BACE1: variants seen among roughly 807,000 people sequenced by gnomAD.
The protein encoded by BACE1 is beta-secretase 1, also known as APP beta-secretase.
In BACE1, 21 loss-of-function variants were observed where a neutral mutation model predicts 54.0. The ratio of observed to expected loss-of-function variants is 0.39; its 90% CI spans 0.28 to 0.56. The LOEUF is 0.56. BACE1 is among the 20% of genes least tolerant of loss of function. The pLI is 0.63. For missense variants in BACE1, 511 were observed against 661.2 expected, an observed-to-expected ratio of 0.77 and a Z score of 2.49; for synonymous variants, 232 against 260.9, an observed-to-expected ratio of 0.89 and a Z score of 1.07.
chr11:117,312,494 G>A (rs868260776), intron 1 of BACE1, among the ~76,000 whole-genome samples: 3 of 151,416 alleles, frequency 2.0e-5, no homozygotes, highest in Non-Finnish European at 4.4e-5. Context: ...ACGGAGTCTC[G>A]CTCTGTCACC....
intron 1 of BACE1, among the ~76,000 whole-genome samples, chr11:117,302,872 G>T (rs2034755112): frequency 6.6e-6 from 1 of 152,184 alleles, no homozygotes; most frequent in African/African-American, 2.4e-5. Context: ...GTGACAGAGT[G>T]ATACCTTGTC....
At chr11:117,312,615 A>C (rs375776904) in intron 1 of BACE1, among the ~76,000 whole-genome samples, 1 of 152,106 alleles carries the variant, frequency 6.6e-6, no homozygotes, top group Non-Finnish European at 1.5e-5. Context: ...GGCGCCTGCC[A>C]CCATGCCCAG....
At chr11:117,299,599 C>A in intron 1 of BACE1, 1 of 364,042 alleles carries the variant, frequency 2.7e-6, no homozygotes, top group South Asian at 2.0e-5. Flanking sequence ...TTCCCAGCCC[C>A]CCACTCCTGG....
In BACE1 at chr11:117,287,457, T is replaced by TAA. The variant is rs1169103790; in HGVS notation, c.*2108_*2109insTT. 6.6e-6 allele frequency: 1 copy of TAA among 152,650 alleles called. No homozygotes were observed. The highest frequency in any genetic ancestry group is 2.4e-5 in the African/African-American group (1 of 41,458). 9.5% of individuals were successfully genotyped at this position (152,650 alleles called of 1,614,324 possible). ...TGTTGTTAAGACTTTTTTTTACACT[T>TAA]AGAGTTTATAATTTTGGGGCAGGAA... On this transcript the variant is annotated 3_prime_UTR_variant, in exon 9 of 9. Transcript: ENST00000313005.
At chr11:117,290,868 G>T in intron 7 of BACE1, 32 bp downstream of exon 7, 2 of 1,608,274 alleles carry the variant, frequency 1.2e-6, no homozygotes, top group South Asian at 2.2e-5. Context: ...GTACTTTTAA[G>T]AGAGATCCCC....
intron 1 of BACE1, among the ~76,000 whole-genome samples, chr11:117,305,002 A>C (rs1591865989): frequency 3.0e-5 from 4 of 131,952 alleles, no homozygotes; most frequent in Admixed American, 8.3e-5. Flanking sequence ...TCACTCTGTC[A>C]CCCAGGCTGT....
chr11:117,290,984 G>T lies in BACE1; in HGVS notation c.1008C>A (p.Thr336=), dbSNP rs1303418299. 1 of 1,614,080 alleles carries T rather than the reference G, an allele frequency of 6.2e-7. No homozygotes were observed. Among genetic ancestry groups the T allele is most frequent in the South Asian group, 1.1e-5 (1 of 91,094 alleles). Residue 336 remains threonine, a synonymous_variant, in exon 7 of 9, where the codon ACC becomes ACA. Coordinates refer to ENST00000313005, the MANE Select transcript of BACE1 (RefSeq NM_012104.6). The part of the protein sequence containing the change: ...EQLVCWQAGT[T]PWNIFPVISL... ...AGATGACTGGGAAAATGTTCCAAGG[G>T]GTGGTGCCTGCTTGCCAGCACACCA...
At chr11:117,305,680 A>C (rs1034951801) in intron 1 of BACE1, among the ~76,000 whole-genome samples, 16 of 152,020 alleles carry the variant, frequency 1.1e-4, no homozygotes, top group Non-Finnish European at 5.9e-5. Context: ...ACTCCAATAG[A>C]ATGATGGATG....
intron 1 of BACE1, among the ~76,000 whole-genome samples, chr11:117,310,494 C>G (rs1338435805): frequency 6.6e-6 from 1 of 152,170 alleles, no homozygotes; most frequent in Non-Finnish European, 1.5e-5. Flanking sequence ...AATCTCAGCT[C>G]ACTGCAACCT....
At chr11:117,296,723 T>C (rs1341549311) in intron 2 of BACE1, 150 bp downstream of exon 2, 6 of 618,596 alleles carry the variant, frequency 9.7e-6, no homozygotes, top group Non-Finnish European at 1.7e-5. Context: ...ACCCTGTCTC[T>C]CCTGGTCACT....
At chr11:117,302,184 T>C (rs1277118275) in intron 1 of BACE1, among the ~76,000 whole-genome samples, 1 of 151,754 alleles carries the variant, frequency 6.6e-6, no homozygotes, top group Non-Finnish European at 1.5e-5. Flanking sequence ...AATACAAAAA[T>C]TAGCTGGGTG....
intron 8 of BACE1, 57 bp from the exon 9 acceptor site, chr11:117,289,864 A>G: frequency 6.6e-7 from 1 of 1,510,944 alleles, no homozygotes; most frequent in South Asian, 1.1e-5. Context: ...GAGTTAACAA[A>G]AAGAACTTCC....
chr11:117,299,700 C>T, intron 1 of BACE1: 1 of 401,280 alleles, frequency 2.5e-6, no homozygotes, highest in Admixed American at 2.9e-5. Context: ...GCTCCAGATG[C>T]TGTGCTTTCA....
Position 117,315,867 on chromosome 11 carries a change from C to T in BACE1, c.-72G>A. The T allele has an allele frequency of 7.3e-7, 1 of 1,361,314 alleles. No homozygotes were observed. The highest frequency in any genetic ancestry group is 9.4e-7 in the Non-Finnish European group (1 of 1,062,868). The allele number at this position is 1,361,314 out of a possible 1,614,324, so 84.3% of individuals were successfully genotyped here. A position where few individuals can be genotyped will look rare whatever the true frequency, so the allele number is the denominator to read the frequency against. On this transcript the variant is annotated 5_prime_UTR_variant, in exon 1 of 9. Transcript: ENST00000313005. The surrounding 1 kb of genome is among the most constrained non-coding windows in gnomAD (Gnocchi z 5.5). ...CCGTCCCTGGCGCCTGCCCCCAAGT[C>T]TGGGTGGTGCTGGTGGCTTCTCAGG...
In BACE1 at chr11:117,293,752, G is replaced by A. The variant is rs1229400594; in HGVS notation, c.705+119C>T. 1 of 1,070,672 alleles carries A rather than the reference G, an allele frequency of 9.3e-7. No homozygotes were observed. Among genetic ancestry groups the A allele is most frequent in the African/African-American group, 1.6e-5 (1 of 61,504 alleles). 66.3% of individuals were successfully genotyped at this position (1,070,672 alleles called of 1,614,324 possible). On this transcript the variant is annotated intron_variant, in intron 4 of 8. Coordinates refer to ENST00000313005, the MANE Select transcript of BACE1 (RefSeq NM_012104.6). The surrounding 1 kb of genome is among the most constrained non-coding windows in gnomAD (Gnocchi z 4.1). ...AAAGTAAGGGTAGGGAATATAAAGAGGTTCCTCCTGATTCTAAGTATCGGA... is the reference window on the plus strand; with the variant it reads ...AAAGTAAGGGTAGGGAATATAAAGAAGTTCCTCCTGATTCTAAGTATCGGA...
Position 117,291,804 on chromosome 11 carries a change from C to T in BACE1, c.850G>A (p.Asp284Asn). The part of the protein sequence containing the change: ...LKMDCKEYNY[D>N]KSIVDSGTTN... ...GTGCCACTGTCCACAATGCTCTTGT[C>T]ATAGTTGTACTAAGAGGGAAAAGAG... Residue 284 changes from aspartate (D) to asparagine (N), a missense_variant, in exon 6 of 9, where the codon GAC becomes AAC. Asp to Asn is a conservative substitution (Grantham distance 23, BLOSUM62 1). Coordinates refer to ENST00000313005, the MANE Select transcript of BACE1 (RefSeq NM_012104.6). 6.2e-7 allele frequency: 1 copy of T among 1,610,322 alleles called. No homozygotes were observed. Among genetic ancestry groups the T allele is most frequent in the Non-Finnish European group, 8.5e-7 (1 of 1,176,870 alleles).
intron 3 of BACE1, 89 bp from the exon 4 acceptor site, chr11:117,294,097 G>T: frequency 6.8e-7 from 1 of 1,464,484 alleles, no homozygotes. Context: ...CAAATTTGAA[G>T]GCTTGGGGGA....
In BACE1 at chr11:117,287,975, G is replaced by A. The variant is rs1193228407; in HGVS notation, c.*1591C>T. 1.3e-5 allele frequency: 2 copies of A among 152,658 alleles called. No individual in the cohort carries two copies. Among genetic ancestry groups the A allele is most frequent in the African/African-American group, 2.4e-5 (1 of 41,454 alleles). 9.5% of individuals were successfully genotyped at this position (152,658 alleles called of 1,614,324 possible). A position where few individuals can be genotyped will look rare whatever the true frequency, so the allele number is the denominator to read the frequency against. On this transcript the variant is annotated 3_prime_UTR_variant, in exon 9 of 9. Coordinates refer to ENST00000313005, the MANE Select transcript of BACE1 (RefSeq NM_012104.6). ...GTTGACCAGGTAGGAGTAGGATGCA[G>A]TGGGTATACTAGGAAAACCCAGCTC... is the stretch of plus-strand genomic sequence containing the variant.
rs528784419 is a variant in BACE1, at chr11:117,296,910, G to A, written c.313C>T (p.Pro105Ser). 1 of 1,613,708 alleles carries A rather than the reference G, an allele frequency of 6.2e-7. No individual in the cohort carries two copies. The highest frequency in any genetic ancestry group is 8.5e-7 in the Non-Finnish European group (1 of 1,179,848). Residue 105 changes from proline to serine, a missense_variant, in exon 2 of 9, where the codon CCC becomes TCC. Physicochemically the swap from Pro to Ser is moderately conservative, Grantham distance 74. Transcript: ENST00000313005. ...TAGTAGCGATGCAGGAAGGGGTGGG[G>A]GGCAGCACCCACTGCAAAGTTACTG... ...GSSNFAVGAAPHPFLHRYYQR... is the reference protein window; with the variant it reads ...GSSNFAVGAASHPFLHRYYQR...
Sources: allele counts gnomAD v4.1 joint callset (sites outside exome capture counted in the v4.1 genomes callset), GRCh38; gene constraint gnomAD v4.1.1; non-coding constraint Gnocchi (gnomAD v3.1); transcripts MANE v1.5; gene names NCBI Gene and HGNC (gene_info 2026-07-23, HGNC 2026-07-21).